CHRNA2: variants seen among roughly 807,000 people sequenced by gnomAD.
The protein encoded by CHRNA2 is neuronal acetylcholine receptor subunit alpha-2.
A neutral mutation model predicts 45.5 loss-of-function variants in CHRNA2; 40 were observed. The observed-to-expected ratio is 0.88, with a 90% CI of 0.68 to 1.15. The LOEUF (loss-of-function observed/expected upper bound fraction) is 1.15. Among genes scored for constraint, CHRNA2 ranks in the 50% most tolerant of loss-of-function variants. The probability of loss-of-function intolerance (pLI) is 0.00; values close to 1 mark genes in which losing one functional copy is unlikely to be tolerated. For missense variants in CHRNA2, 655 were observed against 701.7 expected (o/e 0.93, Z 0.75); for synonymous variants, 301 against 296.7 (o/e 1.01, Z -0.15).
At chr8:27,472,751 A>AAT (rs1812929370) in intron 1 of CHRNA2, among the ~76,000 whole-genome samples, 2 of 152,220 alleles carry the variant, frequency 1.3e-5, no homozygotes, top group African/African-American at 4.8e-5. Flanking sequence ...CAGATGTGTG[A>AAT]ATATACTAAA....
Position 27,469,775 on chromosome 8 carries a change from G to T in CHRNA2, c.280C>A (p.Gln94Lys). The T allele has an allele frequency of 6.2e-7, 1 of 1,614,184 alleles. No homozygotes were observed. The highest frequency in any genetic ancestry group is 1.1e-5 in the South Asian group (1 of 91,074). ...GACAGGCGCACCACATCGATGAGCT[G>T]AGCGATGGACAGTCCAAAGCGCACA... ...VIVRFGLSIA[Q>K]LIDVDEKNQM... The change falls in exon 3 of 7, where the codon CAG becomes AAG. Residue 94 changes from glutamine to lysine, a missense_variant. This residue lies in a region of CHRNA2 where 323 missense variants were observed against 354.4 expected (regional missense o/e 0.91). Transcript: ENST00000407991.
At chr8:27,472,208 C>A (rs1404978868) in intron 1 of CHRNA2, among the ~76,000 whole-genome samples, 2 of 152,174 alleles carry the variant, frequency 1.3e-5, no homozygotes, top group Admixed American at 6.5e-5. Flanking sequence ...CCAGTGTTTC[C>A]CTGAATTCTG....
intron 5 of CHRNA2, 105 bp from the exon 6 acceptor site, chr8:27,464,098 C>CGGCCACACT (rs1812622889): frequency 7.6e-7 from 1 of 1,317,350 alleles, no homozygotes; most frequent in African/African-American, 1.5e-5. Context: ...AAGTCAGACC[C>CGGCCACACT]GGCCACACTG....
chr8:27,463,416 T>C lies in CHRNA2; in HGVS notation c.1027A>G (p.Ile343Val). 1 of 1,613,986 alleles carries C rather than the reference T, an allele frequency of 6.2e-7. No homozygotes were observed. The highest frequency in any genetic ancestry group is 2.2e-5 in the East Asian group (1 of 44,854). Residue 343 changes from isoleucine to valine, a missense_variant, in exon 6 of 7, where the codon ATC (isoleucine) becomes GTC (valine). Ile to Val is a conservative substitution (Grantham distance 29). This residue lies in a region of CHRNA2 where 295 missense variants were observed against 280.4 expected (regional missense o/e 1.05). Coordinates refer to ENST00000407991, the MANE Select transcript of CHRNA2 (RefSeq NM_000742.4). The surrounding 1 kb of genome is among the most constrained non-coding windows in gnomAD (Gnocchi z 6.1). ...TTGAGCACGAAGACGGTGATGACGA[T>C]GGACAGGGTGACGAAGATCATGGTG... ...LFTMIFVTLSIVITVFVLNVH... is the reference protein window; with the variant it reads ...LFTMIFVTLSVVITVFVLNVH...
intron 1 of CHRNA2, among the ~76,000 whole-genome samples, chr8:27,472,962 T>A (rs1812936004): frequency 6.6e-6 from 1 of 152,190 alleles, no homozygotes; most frequent in Admixed American, 6.5e-5. Context: ...GACACAGATG[T>A]CAAAGATGGG....
In CHRNA2 at chr8:27,463,128, G is replaced by A; in HGVS notation, c.1315C>T (p.His439Tyr). The change falls in exon 6 of 7, where the codon CAC (histidine) becomes TAC (tyrosine). Residue 439 changes from histidine (H) to tyrosine (Y), a missense_variant. Physicochemically the swap from His to Tyr is moderately conservative, Grantham distance 83. Coordinates refer to ENST00000407991, the MANE Select transcript of CHRNA2 (RefSeq NM_000742.4). The surrounding 1 kb of genome is among the most constrained non-coding windows in gnomAD (Gnocchi z 6.1). ...GAGGCCCCAGAGTGCAGGTGGCCGT[G>A]GCTGCAGAGGGTGCCCACAGAGGGG... ...VAPSVGTLCS[H>Y]GHLHSGASGP... 2 of 1,606,672 alleles carry A rather than the reference G, an allele frequency of 1.2e-6. No homozygotes were observed. The highest frequency in any genetic ancestry group is 1.7e-6 in the Non-Finnish European group (2 of 1,173,892).
intron 2 of CHRNA2, 109 bp from the exon 3 acceptor site, chr8:27,470,090 T>C (rs1812830119): frequency 9.7e-7 from 1 of 1,034,844 alleles, no homozygotes; most frequent in Non-Finnish European, 1.5e-6. Flanking sequence ...AGATGGCAGA[T>C]GATAATGTCT....
intron 1 of CHRNA2, chr8:27,477,090 G>T (rs569156216): frequency 6.6e-6 from 1 of 152,006 alleles, no homozygotes; most frequent in East Asian, 1.9e-4. Context: ...CTTTAGCTTC[G>T]AAACTAGAAT....
At chr8:27,461,844 G>A (rs975787699) in intron 6 of CHRNA2, 90 bp from the exon 7 acceptor site, 2 of 1,583,150 alleles carry the variant, frequency 1.3e-6, no homozygotes, top group African/African-American at 2.7e-5. Context: ...GGCGGCCACT[G>A]GGGGCAGCAG....
Position 27,479,255 on chromosome 8 carries a change from C to CACACACAT in CHRNA2, c.-569_-568insATGTGTGT, listed in dbSNP as rs1467517739. 3 of 147,570 alleles carry CACACACAT rather than the reference C, an allele frequency of 2.0e-5. No individual in the cohort carries two copies. The highest frequency in any genetic ancestry group is 7.7e-5 in the African/African-American group (3 of 39,146). 9.1% of individuals were successfully genotyped at this position (147,570 alleles called of 1,614,324 possible). ...CGCTGTTCTCTCTCTCTCTCACACA[C>CACACACAT]ACACACACATACACACACACACACA... On this transcript the variant is annotated 5_prime_UTR_variant, in exon 1 of 7. It adds an upstream start codon to the 5' untranslated region. Transcript: ENST00000407991.
rs997232175 is a variant in CHRNA2 at position 27,467,939 on chromosome 8, C to T, written c.340-601G>A. On this transcript the variant is annotated intron_variant, in intron 4 of 6. Transcript: ENST00000407991. ...TGGCCCCCACCCCTGCCTCCACCGA[C>T]GCAGGTCCAAATCAGTCCCCCTGCC... is the stretch of plus-strand genomic sequence containing the variant. Among the ~76,000 whole-genome samples, 5 of 152,120 alleles carry T rather than the reference C, an allele frequency of 3.3e-5. No individual in the cohort carries two copies. The East Asian group carries it at 5.8e-4, about 18-fold the overall frequency.
At chr8:27,465,828 T>A (rs1363135307) in intron 5 of CHRNA2, among the ~76,000 whole-genome samples, 1 of 152,214 alleles carries the variant, frequency 6.6e-6, no homozygotes, top group African/African-American at 2.4e-5. Flanking sequence ...AACTCTAAGA[T>A]GCCTTCCTCT....
chr8:27,470,293 G>A (rs1365798724), intron 2 of CHRNA2, among the ~76,000 whole-genome samples: 9 of 152,172 alleles, frequency 5.9e-5, no homozygotes, highest in Admixed American at 5.9e-4. Flanking sequence ...CAGGTGGACA[G>A]GGAAGTGGAA....
At chr8:27,471,857 C>T (rs1382359816) in intron 1 of CHRNA2, among the ~76,000 whole-genome samples, 1 of 152,212 alleles carries the variant, frequency 6.6e-6, no homozygotes, top group Non-Finnish European at 1.5e-5. Flanking sequence ...TGGCTGGCAG[C>T]CCCTAGGCAG....
Position 27,476,999 on chromosome 8 carries a change from A to G in CHRNA2, c.-137+1825T>C, listed in dbSNP as rs79867337. On this transcript the variant is annotated intron_variant, in intron 1 of 6. Transcript: ENST00000407991. ...TAATTATCCCTTTCATGTAAGTAAA[A>G]AAAAAAAAAAACTGATGTTCAGAGA... Among the ~76,000 whole-genome samples the G allele has an allele frequency of 2.7e-4, 24 of 89,146 alleles. 1 individual carries two copies. The highest frequency in any genetic ancestry group is 2.6e-3 in the South Asian group (8 of 3,040). The allele number at this position is 89,146 out of a possible 152,430, so 58.5% of individuals were successfully genotyped here. A position where few individuals can be genotyped will look rare whatever the true frequency, so the allele number is the denominator to read the frequency against.
intron 1 of CHRNA2, among the ~76,000 whole-genome samples, chr8:27,472,233 A>G (rs1435665499): frequency 6.6e-6 from 1 of 152,188 alleles, no homozygotes; most frequent in African/African-American, 2.4e-5. Context: ...CCACTCTAGC[A>G]AGTTAGTTGA....
rs889869424 is a variant in CHRNA2, at chr8:27,469,893, C to A, written c.162G>T (p.Ser54=). The A allele has an allele frequency of 6.2e-7, 1 of 1,614,128 alleles. No individual in the cohort carries two copies. Among genetic ancestry groups the A allele is most frequent in the Non-Finnish European group, 8.5e-7 (1 of 1,180,022 alleles). The part of the protein sequence containing the change: ...PSPTALPQGG[S]HTETEDRLFK... ...AGAGCCGGTCCTCAGTCTCGGTATG[C>A]GAGCCTCCCTGCGGCAATGCCGTGG... The change falls in exon 3 of 7, where the codon TCG becomes TCT. Residue 54 remains serine (S), a synonymous_variant. Transcript: ENST00000407991.
rs755014350 is a variant in CHRNA2, at chr8:27,463,518, C to G, written c.925G>C (p.Val309Leu). ...LCISVLLSLT[V>L]FLLLITEIIP... ...ATCTCAGTGATGAGCAGCAGGAAGA[C>G]GGTGAGTGACAGCAGCACCGAAATG... Residue 309 changes from valine to leucine, a missense_variant, in exon 6 of 7, where the codon GTC becomes CTC. Val to Leu is a conservative substitution (Grantham distance 32). Coordinates refer to ENST00000407991, the MANE Select transcript of CHRNA2 (RefSeq NM_000742.4). This position sits in a 1 kb window ranked among gnomAD's most constrained non-coding sequence, Gnocchi z 6.1. 5.6e-6 allele frequency: 9 copies of G among 1,614,162 alleles called. No individual in the cohort carries two copies. The South Asian group carries it at 8.8e-5, about 16-fold the overall frequency.
In CHRNA2 at chr8:27,463,770, A is replaced by C; in HGVS notation, c.673T>G (p.Tyr225Asp). The C allele has an allele frequency of 6.2e-7, 1 of 1,614,086 alleles. No individual in the cohort carries two copies. The highest frequency in any genetic ancestry group is 8.5e-7 in the Non-Finnish European group (1 of 1,180,014). Residue 225 changes from tyrosine (Y) to aspartate (D), a missense_variant, in exon 6 of 7, where the codon TAC (tyrosine) becomes GAC (aspartate). By Grantham distance (160) the Tyr-to-Asp change is radical. Transcript: ENST00000407991. This position sits in a 1 kb window ranked among gnomAD's most constrained non-coding sequence, Gnocchi z 6.1. ...ATGGCCCACTCGCCGCTCTCCCAGTAGTCCTTCAGGTCCACAGTCTGCTCC... is the reference window on the plus strand; with the variant it reads ...ATGGCCCACTCGCCGCTCTCCCAGTCGTCCTTCAGGTCCACAGTCTGCTCC... ...QMEQTVDLKD[Y>D]WESGEWAIVN...
Sources: gnomAD v4.1 joint callset for allele counts (sites outside exome capture counted in the v4.1 genomes callset) on GRCh38, gnomAD v4.1.1 for gene constraint, gnomAD v4.1.1 regional missense constraint, Gnocchi (gnomAD v3.1) non-coding constraint, MANE v1.5 for transcripts, NCBI Gene and HGNC (gene_info 2026-07-23, HGNC 2026-07-21) for gene names.